Variants in PLXNC1 observed in about 807,000 individuals in gnomAD.
The protein encoded by PLXNC1 is plexin-C1.
Under a neutral mutation model 178.2 loss-of-function variants are expected in PLXNC1, and 75 were observed. That is an observed-to-expected ratio of 0.42 (90% CI 0.35 to 0.51). The LOEUF is 0.51. PLXNC1 is among the 20% of genes least tolerant of loss of function. The pLI, the probability that PLXNC1 is intolerant of heterozygous loss-of-function variation, is 0.02. For missense variants in PLXNC1, 1,503 were observed against 1,984.4 expected, an observed-to-expected ratio of 0.76 and a Z score of 4.61; for synonymous variants, 790 against 779.9, an observed-to-expected ratio of 1.01 and a Z score of -0.22.
At chr12:94,208,230 C>A (rs1373046908) in intron 4 of PLXNC1, among the ~76,000 whole-genome samples, 1 of 152,152 alleles carries the variant, frequency 6.6e-6, no homozygotes, top group Admixed American at 6.5e-5. Flanking sequence ...GAAACTGACA[C>A]AGATGTAGTG....
At chr12:94,188,449 G>A (rs374983017) in intron 4 of PLXNC1, among the ~76,000 whole-genome samples, 42 of 149,574 alleles carry the variant, frequency 2.8e-4, no homozygotes, top group African/African-American at 9.8e-4. Context: ...GCAGCCTCCC[G>A]AGTAGCTGGG....
chr12:94,151,366 A>G (rs927172296), intron 1 of PLXNC1, among the ~76,000 whole-genome samples: 1 of 152,168 alleles, frequency 6.6e-6, no homozygotes, highest in African/African-American at 2.4e-5. Context: ...TAGAACGGTC[A>G]CTTGCTGCTG....
chr12:94,206,653 G>A (rs1294550237), intron 4 of PLXNC1, among the ~76,000 whole-genome samples: 1 of 152,186 alleles, frequency 6.6e-6, no homozygotes, highest in Admixed American at 6.5e-5. Context: ...GGAGTCTGAG[G>A]ACTTTGGGAT....
rs574622464 is a variant in PLXNC1 at position 94,184,274 on chromosome 12, T to C, written c.1339-2099T>C. ...CTGGGACTACAGTCACACGCTACCA[T>C]GCCCGGCTAATTTTTGTATTTTTTT... On this transcript the variant is annotated intron_variant, in intron 3 of 30. Transcript: ENST00000258526. Among the ~76,000 whole-genome samples the C allele has an allele frequency of 2.5e-4, 38 of 151,362 alleles. No individual in the cohort carries two copies. The South Asian group carries it at 7.5e-3, about 30-fold the overall frequency.
intron 23 of PLXNC1, among the ~76,000 whole-genome samples, chr12:94,285,999 G>A (rs1004505466): frequency 6.6e-6 from 1 of 152,190 alleles, no homozygotes; most frequent in Non-Finnish European, 1.5e-5. Context: ...AGTCTCTCCA[G>A]CAGGGAGAAT....
intron 23 of PLXNC1, among the ~76,000 whole-genome samples, chr12:94,286,509 T>C (rs999453011): frequency 2.7e-5 from 4 of 150,484 alleles, no homozygotes; most frequent in African/African-American, 9.8e-5. Flanking sequence ...AAAGAAAAAA[T>C]TTTCTCTTGA....
intron 14 of PLXNC1, among the ~76,000 whole-genome samples, chr12:94,249,718 T>A (rs978741157): frequency 6.6e-6 from 1 of 152,058 alleles, no homozygotes; most frequent in Non-Finnish European, 1.5e-5. Flanking sequence ...TGTTCCCACC[T>A]TTCCTGTTAG....
At chr12:94,262,773 C>G in intron 20 of PLXNC1, 4 of 985,314 alleles carry the variant, frequency 4.1e-6, no homozygotes, top group Non-Finnish European at 4.8e-6. Flanking sequence ...GGTAACTTTC[C>G]CTTCCAAGAC....
In PLXNC1 at chr12:94,212,750, C is replaced by T. The variant is rs191807292; in HGVS notation, c.1554+3046C>T. ...TTTTTTTTTTTTTGAGATGGAGTCTCGCTCTGTCGCCCAGGCTGGAGTGCA... is the reference window on the plus strand; with the variant it reads ...TTTTTTTTTTTTTGAGATGGAGTCTTGCTCTGTCGCCCAGGCTGGAGTGCA... On this transcript the variant is annotated intron_variant, in intron 5 of 30. Transcript: ENST00000258526. Among the ~76,000 whole-genome samples the T allele has an allele frequency of 6.7e-4, 95 of 141,004 alleles. No homozygotes were observed. In the East Asian group the frequency reaches 8.7e-3, roughly 13 times the overall value. 92.5% of individuals were successfully genotyped at this position (141,004 alleles called of 152,430 possible).
rs1969118461 is a variant in PLXNC1 at position 94,307,123 on chromosome 12, G to A, written c.*1838G>A. On this transcript the variant is annotated 3_prime_UTR_variant, in exon 31 of 31. Transcript: ENST00000258526. ...TAAGTATTTACTAAATGCTACATGA[G>A]GGTGTCCCTGTCCAGCTTTCTGGCA... The A allele has an allele frequency of 6.6e-6, 1 of 152,192 alleles. No individual in the cohort carries two copies. Among genetic ancestry groups the A allele is most frequent in the Non-Finnish European group, 1.5e-5 (1 of 68,052 alleles). 9.4% of individuals were successfully genotyped at this position (152,192 alleles called of 1,614,324 possible). A position where few individuals can be genotyped will look rare whatever the true frequency, so the allele number is the denominator to read the frequency against.
intron 4 of PLXNC1, among the ~76,000 whole-genome samples, chr12:94,193,978 T>C (rs1036919777): frequency 6.6e-6 from 1 of 152,134 alleles, no homozygotes; most frequent in Non-Finnish European, 1.5e-5. Flanking sequence ...GGGTAATTTA[T>C]AAAGAAAAGA....
intron 1 of PLXNC1, among the ~76,000 whole-genome samples, chr12:94,153,702 T>A (rs561030263): frequency 2.3e-4 from 35 of 152,334 alleles, no homozygotes; most frequent in Admixed American, 5.2e-4. Context: ...TCCACAGGAC[T>A]CTAGATCATT....
rs1960814712 is a variant in PLXNC1 at position 94,148,658 on chromosome 12, C to A, written c.-314C>A. On this transcript the variant is annotated 5_prime_UTR_variant, in exon 1 of 31. Transcript: ENST00000258526. This position sits in a 1 kb window ranked among gnomAD's most constrained non-coding sequence, Gnocchi z 4.8. The stretch of plus-strand genomic sequence containing the variant: ...CCTCGCTCCTCTCCGCCCGTCCCCT[C>A]CCTTCCCCTCCGCGCCTCCCCGCGA... The A allele has an allele frequency of 6.6e-6, 1 of 152,118 alleles. No individual in the cohort carries two copies. The highest frequency in any genetic ancestry group is 2.4e-5 in the African/African-American group (1 of 41,506). 9.4% of individuals were successfully genotyped at this position (152,118 alleles called of 1,614,324 possible). A position where few individuals can be genotyped will look rare whatever the true frequency, so the allele number is the denominator to read the frequency against.
chr12:94,305,331 TG>T lies in PLXNC1; in HGVS notation c.*49del, dbSNP rs767671950. The T allele has an allele frequency of 4.6e-5, 55 of 1,193,400 alleles. 1 individual carries two copies. In the South Asian group the frequency reaches 6.4e-4, roughly 14 times the overall value. 73.9% of individuals were successfully genotyped at this position (1,193,400 alleles called of 1,614,324 possible). A position where few individuals can be genotyped will look rare whatever the true frequency, so the allele number is the denominator to read the frequency against. ...ATCTGGCAAAGTTCTTCAGACGACT[TG>T]GGAGCAAAATGGCTGCTTGAGCTAC... On this transcript the variant is annotated 3_prime_UTR_variant, in exon 31 of 31. Transcript: ENST00000258526.
chr12:94,253,211 G>GGAA (rs777541052), intron 15 of PLXNC1, among the ~76,000 whole-genome samples: 1 of 42,018 alleles, frequency 2.4e-5, no homozygotes, highest in Non-Finnish European at 5.4e-5. Flanking sequence ...CTCCGTCTCA[G>GGAA]AAAAAAAAAA....
chr12:94,227,018 C>T (rs191856267), intron 8 of PLXNC1, 131 bp from the exon 9 acceptor site: 311 of 668,126 alleles, frequency 4.7e-4, no homozygotes, highest in African/African-American at 3.8e-3. Flanking sequence ...AGTGAGACTC[C>T]GTCTCAAAAA....
chr12:94,173,314 T>G lies in PLXNC1; in HGVS notation c.1203+4021T>G, dbSNP rs1437482901. ...TGTTGCCCATAGAAAATTGTCCTTA[T>G]TTCAAAGGCAGAATTGCATATTTTG... On this transcript the variant is annotated intron_variant, in intron 2 of 30. Coordinates refer to ENST00000258526, the MANE Select transcript of PLXNC1 (RefSeq NM_005761.3). Among the ~76,000 whole-genome samples the G allele has an allele frequency of 1.3e-4, 20 of 152,218 alleles. 1 individual carries two copies. Among genetic ancestry groups the G allele is most frequent in the Admixed American group, 1.3e-3 (20 of 15,284 alleles).
In PLXNC1 at chr12:94,149,516, C is replaced by T; in HGVS notation, c.545C>T (p.Thr182Ile). The T allele has an allele frequency of 6.5e-7, 1 of 1,537,422 alleles. No individual in the cohort carries two copies. The highest frequency in any genetic ancestry group is 8.7e-7 in the Non-Finnish European group (1 of 1,147,350). Residue 182 changes from threonine to isoleucine, a missense_variant, in exon 1 of 31, where the codon ACC becomes ATC. By Grantham distance (89) the Thr-to-Ile change is moderately conservative. This residue lies in a region of PLXNC1 where 73 missense variants were observed against 125.4 expected (regional missense o/e 0.58). Transcript: ENST00000258526. The part of the protein sequence containing the change: ...NNRWYLAVAA[T>I]YVLPEPETAS... ...CGCTGGTACCTGGCGGTGGCCGCCA[C>T]CTACGTGCTGCCTGAGCCGGAGACG...
intron 28 of PLXNC1, among the ~76,000 whole-genome samples, chr12:94,303,192 G>A (rs566091806): frequency 6.6e-6 from 1 of 152,240 alleles, no homozygotes; most frequent in South Asian, 2.1e-4. Flanking sequence ...TCACACATCA[G>A]AGCCACCAAT....
Sources: gnomAD v4.1 joint callset for allele counts (sites outside exome capture counted in the v4.1 genomes callset) on GRCh38, gnomAD v4.1.1 for gene constraint, gnomAD v4.1.1 regional missense constraint, Gnocchi (gnomAD v3.1) non-coding constraint, MANE v1.5 for transcripts, NCBI Gene and HGNC (gene_info 2026-07-23, HGNC 2026-07-21) for gene names.